AGMO: variants seen among roughly 807,000 people sequenced by gnomAD.
AGMO encodes the protein glyceryl-ether monooxygenase.
AGMO carries 75 observed loss-of-function variants against 60.2 expected under a neutral mutation model. The ratio of observed to expected loss-of-function variants is 1.25; its 90% CI spans 1.03 to 1.51. The LOEUF is 1.51. Ranked by LOEUF, AGMO falls within the 40% of genes most tolerant of loss-of-function variation. The pLI is 0.00. For synonymous variants in AGMO, 261 were observed against 177.1 expected, an observed-to-expected ratio of 1.47 and a Z score of -3.76; for missense variants, 763 against 525.5, an observed-to-expected ratio of 1.45 and a Z score of -4.42.
chr7:15,373,769 G>T (rs1783332894), intron 10 of AGMO, among the ~76,000 whole-genome samples: 1 of 151,992 alleles, frequency 6.6e-6, no homozygotes, highest in Non-Finnish European at 1.5e-5. Context: ...TTATTCTAAG[G>T]CTTTAGAAAT....
At chr7:15,251,714 G>T (rs1464047153) in intron 12 of AGMO, among the ~76,000 whole-genome samples, 3 of 152,168 alleles carry the variant, frequency 2.0e-5, no homozygotes, top group Non-Finnish European at 4.4e-5. Context: ...ATTCCTCCCA[G>T]TTGAGTCCTT....
the AGMO span, among the ~76,000 whole-genome samples, chr7:15,190,361 T>C: frequency 3.8e-4 from 58 of 151,690 alleles, 1 homozygote; most frequent in Non-Finnish European, 4.4e-5. Flanking sequence ...AAGCAGGTTA[T>C]CAACTAGTAA....
At chr7:15,252,511 C>T (rs527864898) in intron 12 of AGMO, among the ~76,000 whole-genome samples, 1 of 152,170 alleles carries the variant, frequency 6.6e-6, no homozygotes, top group African/African-American at 2.4e-5. Flanking sequence ...ATGTGGAAAG[C>T]AGCTGAGGGC....
At chr7:15,154,919 T>C in the AGMO span, among the ~76,000 whole-genome samples, 1 of 152,214 alleles carries the variant, frequency 6.6e-6, no homozygotes. Context: ...ATGCTGAATA[T>C]AGGCTTCTAA....
At position 15,207,255 on chromosome 7, in the gene AGMO, T is replaced by C. The variant is rs115517575; in HGVS notation, c.1264-5896A>G. Among the ~76,000 whole-genome samples the C allele has an allele frequency of 1.0e-2, 1,523 of 152,328 alleles. 26 individuals are homozygous for C. The highest frequency in any genetic ancestry group is 0.031 in the African/African-American group (1,289 of 41,560). ...CACATGTAAACCCATCTGGTTAAAA[T>C]TGTATAAACCATAGTTAGCATAAAG... On this transcript the variant is annotated intron_variant, in intron 12 of 12. Coordinates refer to ENST00000342526, the MANE Select transcript of AGMO (RefSeq NM_001004320.2).
intron 10 of AGMO, among the ~76,000 whole-genome samples, chr7:15,375,897 A>G (rs1783433867): frequency 6.6e-6 from 1 of 152,122 alleles, no homozygotes; most frequent in Admixed American, 6.5e-5. Context: ...ATCCTCACCA[A>G]ATTAGAAAAC....
chr7:15,140,502 T>A, the AGMO span, among the ~76,000 whole-genome samples: 1 of 152,208 alleles, frequency 6.6e-6, no homozygotes, highest in Non-Finnish European at 1.5e-5. Context: ...TCTGTCTTCA[T>A]AGGACTCTAA....
At chr7:15,507,186 T>G (rs1783535660) in intron 3 of AGMO, among the ~76,000 whole-genome samples, 1 of 151,998 alleles carries the variant, frequency 6.6e-6, no homozygotes, top group Non-Finnish European at 1.5e-5. Flanking sequence ...GCTATCAGCA[T>G]ATACAAACTC....
At chr7:15,332,848 TTCCTA>T (rs550568407) in intron 12 of AGMO, among the ~76,000 whole-genome samples, 51 of 152,226 alleles carry the variant, frequency 3.4e-4, no homozygotes, top group African/African-American at 1.2e-3. Flanking sequence ...ATCCTACATT[TTCCTA>T]TCCTAATACT....
intron 12 of AGMO, among the ~76,000 whole-genome samples, chr7:15,214,522 C>G (rs1345838818): frequency 6.6e-6 from 1 of 151,844 alleles, no homozygotes; most frequent in Non-Finnish European, 1.5e-5. Flanking sequence ...AATTTGAGAA[C>G]CATTGTGCAA....
intron 10 of AGMO, among the ~76,000 whole-genome samples, chr7:15,380,086 T>C (rs1006266696): frequency 1.3e-5 from 2 of 152,144 alleles, no homozygotes; most frequent in Admixed American, 6.5e-5. Context: ...AGCATTCCCC[T>C]TGAAACCAGC....
rs375796651 is a variant in AGMO, at chr7:15,435,314, C to CT, written c.410-4207dup. On this transcript the variant is annotated intron_variant, in intron 3 of 12. Transcript: ENST00000342526. ...AAATTGTTTTCCAAAGTGGCTGTGC[C>CT]TTTTTTTTTTTTTATTAGTACCAGC... 5.0e-3 allele frequency among the ~76,000 whole-genome samples: 720 copies of CT among 143,358 alleles called. 3 individuals carry two copies. Among genetic ancestry groups the CT allele is most frequent in the African/African-American group, 0.013 (511 of 39,368 alleles). The allele number at this position is 143,358 out of a possible 152,430, so 94.0% of individuals were successfully genotyped here.
At chr7:15,422,536 C>T (rs970905299) in intron 4 of AGMO, among the ~76,000 whole-genome samples, 1 of 151,692 alleles carries the variant, frequency 6.6e-6, no homozygotes, top group African/African-American at 2.4e-5. Flanking sequence ...ACAGGGAAGA[C>T]CAGAGAAGGG....
At chr7:15,549,745 T>C (rs1448904893) in intron 2 of AGMO, among the ~76,000 whole-genome samples, 1 of 151,292 alleles carries the variant, frequency 6.6e-6, no homozygotes, top group Non-Finnish European at 1.5e-5. Flanking sequence ...ACTGTCAACA[T>C]TAGACAGATC....
intron 12 of AGMO, among the ~76,000 whole-genome samples, chr7:15,364,426 GCTC>G (rs1782885971): frequency 6.6e-6 from 1 of 152,014 alleles, no homozygotes. Context: ...TGTTAAGATT[GCTC>G]CTTATTGGTA....
At chr7:15,515,358 T>C (rs1450361563) in intron 3 of AGMO, among the ~76,000 whole-genome samples, 1 of 152,198 alleles carries the variant, frequency 6.6e-6, no homozygotes, top group African/African-American at 2.4e-5. Context: ...TCCAGAATTG[T>C]ATGAGCTTTA....
chr7:15,162,286 T>C, the AGMO span, among the ~76,000 whole-genome samples: 6 of 152,098 alleles, frequency 3.9e-5, no homozygotes, highest in Admixed American at 3.9e-4. Flanking sequence ...AGTGTGAAAA[T>C]GGACTAATAC....
intron 12 of AGMO, among the ~76,000 whole-genome samples, chr7:15,252,005 G>A (rs1219424330): frequency 6.6e-6 from 1 of 152,076 alleles, no homozygotes; most frequent in Non-Finnish European, 1.5e-5. Flanking sequence ...ACTAATCAAG[G>A]GTCATTATTA....
intron 12 of AGMO, among the ~76,000 whole-genome samples, chr7:15,280,880 C>T (rs1413953777): frequency 1.3e-5 from 2 of 152,202 alleles, no homozygotes; most frequent in Admixed American, 6.5e-5. Context: ...ACCAAAGGAT[C>T]TCTAATGTAG....
Sources: allele counts gnomAD v4.1 joint callset (sites outside exome capture counted in the v4.1 genomes callset), GRCh38; gene constraint gnomAD v4.1.1; transcripts MANE v1.5; gene names NCBI Gene and HGNC (gene_info 2026-07-23, HGNC 2026-07-21).